Variants in GUCY1A2 observed in about 807,000 individuals in gnomAD.
GUCY1A2 encodes the protein guanylate cyclase 1 soluble subunit alpha 2.
A neutral mutation model predicts 63.5 loss-of-function variants in GUCY1A2; 27 were observed. The observed-to-expected ratio is 0.43, with a 90% CI of 0.31 to 0.59. The LOEUF (loss-of-function observed/expected upper bound fraction) is 0.59. GUCY1A2 is among the 20% of genes least tolerant of loss of function. The pLI is 0.11. For synonymous variants in GUCY1A2, 364 were observed against 343.5 expected (o/e 1.06, Z -0.66); for missense variants, 768 against 913.3 (o/e 0.84, Z 2.05).
chr11:106,797,869 G>C (rs1379681004), intron 5 of GUCY1A2, among the ~76,000 whole-genome samples: 1 of 152,038 alleles, frequency 6.6e-6, no homozygotes, highest in South Asian at 2.1e-4. Context: ...AGAGAAGCAA[G>C]AGCAAACACA....
chr11:106,757,754 C>A (rs1863999503), intron 6 of GUCY1A2, among the ~76,000 whole-genome samples: 2 of 152,146 alleles, frequency 1.3e-5, no homozygotes, highest in Admixed American at 6.5e-5. Context: ...CCATGAGATG[C>A]CAGCCAGAGC....
intron 4 of GUCY1A2, among the ~76,000 whole-genome samples, chr11:106,901,533 G>A (rs1228278567): frequency 6.6e-6 from 1 of 152,048 alleles, no homozygotes; most frequent in Non-Finnish European, 1.5e-5. Flanking sequence ...TAGTGTACAT[G>A]TGCACAACAT....
chr11:106,784,401 C>A (rs547122413), intron 5 of GUCY1A2, among the ~76,000 whole-genome samples: 1 of 152,106 alleles, frequency 6.6e-6, no homozygotes, highest in South Asian at 2.1e-4. Flanking sequence ...TGATGACTGG[C>A]AGGGTGGGGT....
chr11:106,989,950 T>A (rs746060318), intron 1 of GUCY1A2, among the ~76,000 whole-genome samples: 3 of 152,226 alleles, frequency 2.0e-5, no homozygotes, highest in Non-Finnish European at 4.4e-5. Flanking sequence ...CTTCCTTGTA[T>A]ACAAAGAATG....
intron 3 of GUCY1A2, among the ~76,000 whole-genome samples, chr11:106,954,882 T>G (rs1054927511): frequency 2.0e-5 from 3 of 152,194 alleles, no homozygotes; most frequent in African/African-American, 7.2e-5. Context: ...ATCCCTTTAT[T>G]TTGAGGCTGT....
At chr11:106,837,577 T>C (rs1020502648) in intron 4 of GUCY1A2, among the ~76,000 whole-genome samples, 4 of 151,994 alleles carry the variant, frequency 2.6e-5, no homozygotes, top group African/African-American at 9.7e-5. Flanking sequence ...CACACTGCTT[T>C]CCACATAACT....
At chr11:106,803,993 AG>A (rs1264316163) in intron 5 of GUCY1A2, among the ~76,000 whole-genome samples, 33 of 152,224 alleles carry the variant, frequency 2.2e-4, no homozygotes, top group African/African-American at 6.8e-4. Context: ...CTATTGGAAC[AG>A]AATGCTTATC....
chr11:106,946,641 C>CA (rs1860833200), intron 3 of GUCY1A2, among the ~76,000 whole-genome samples: 2 of 151,934 alleles, frequency 1.3e-5, no homozygotes, highest in African/African-American at 4.8e-5. Context: ...CAAAGTAAAA[C>CA]AAAATCACAA....
At chr11:106,960,589 G>A (rs1170076695) in intron 3 of GUCY1A2, among the ~76,000 whole-genome samples, 1 of 152,114 alleles carries the variant, frequency 6.6e-6, no homozygotes, top group Admixed American at 6.5e-5. Flanking sequence ...TGCATATTCA[G>A]GTTCCTTTAC....
intron 5 of GUCY1A2, among the ~76,000 whole-genome samples, chr11:106,791,998 A>C (rs1331638922): frequency 1.3e-5 from 2 of 151,572 alleles, no homozygotes; most frequent in Non-Finnish European, 2.9e-5. Context: ...CAATAAAAAA[A>C]GAAAAAAAAC....
chr11:106,817,467 C>T (rs1271532507), intron 4 of GUCY1A2, among the ~76,000 whole-genome samples: 1 of 151,850 alleles, frequency 6.6e-6, no homozygotes, highest in Non-Finnish European at 1.5e-5. Context: ...GACATGACCC[C>T]AAAAGCACAG....
At chr11:106,793,996 T>C (rs1165330996) in intron 5 of GUCY1A2, among the ~76,000 whole-genome samples, 3 of 152,178 alleles carry the variant, frequency 2.0e-5, no homozygotes, top group African/African-American at 7.2e-5. Flanking sequence ...CACTTCTGGA[T>C]ACATATCCAA....
At chr11:106,822,795 G>A (rs987546533) in intron 4 of GUCY1A2, among the ~76,000 whole-genome samples, 3 of 151,918 alleles carry the variant, frequency 2.0e-5, no homozygotes, top group African/African-American at 4.8e-5. Context: ...TCTTTCACAG[G>A]TTATACAGTA....
chr11:106,836,053 G>C (rs1009984866), intron 4 of GUCY1A2, among the ~76,000 whole-genome samples: 1 of 151,898 alleles, frequency 6.6e-6, no homozygotes, highest in Admixed American at 6.6e-5. Context: ...GTGAGTTTAA[G>C]AAACAATTAT....
intron 6 of GUCY1A2, among the ~76,000 whole-genome samples, chr11:106,759,660 G>A (rs1382890855): frequency 6.6e-6 from 1 of 152,242 alleles, no homozygotes; most frequent in Non-Finnish European, 1.5e-5. Context: ...ATGGCCAGGT[G>A]TGATGGCTCA....
intron 6 of GUCY1A2, among the ~76,000 whole-genome samples, chr11:106,767,343 C>A (rs1398203764): frequency 3.3e-5 from 5 of 152,030 alleles, no homozygotes; most frequent in African/African-American, 4.8e-5. Context: ...ATCAGTTTAG[C>A]TTTTTTTCCC....
chr11:106,948,201 A>G (rs914280946), intron 3 of GUCY1A2, among the ~76,000 whole-genome samples: 2 of 152,152 alleles, frequency 1.3e-5, no homozygotes, highest in Non-Finnish European at 2.9e-5. Context: ...AAAAATTAAA[A>G]TCACTCAATT....
chr11:106,722,414 C>A (rs750907542), intron 6 of GUCY1A2, among the ~76,000 whole-genome samples: 4 of 151,902 alleles, frequency 2.6e-5, no homozygotes, highest in Non-Finnish European at 5.9e-5. Flanking sequence ...AAAAAAAAAT[C>A]TTGGTAGTGG....
At chr11:106,900,645 T>C (rs1860119354) in intron 4 of GUCY1A2, among the ~76,000 whole-genome samples, 1 of 152,228 alleles carries the variant, frequency 6.6e-6, no homozygotes, top group Non-Finnish European at 1.5e-5. Context: ...CCAGTTTTTC[T>C]GTACAGGCAT....
Sources: allele counts gnomAD v4.1 joint callset (sites outside exome capture counted in the v4.1 genomes callset), GRCh38; gene constraint gnomAD v4.1.1; transcripts MANE v1.5; gene names NCBI Gene and HGNC (gene_info 2026-07-23, HGNC 2026-07-21).